Variants in ENOX1 observed in about 807,000 individuals in gnomAD.
The protein encoded by ENOX1 is candidate growth-related and time keeping constitutive hydroquinone (NADH) oxidase.
In ENOX1, 42 loss-of-function variants were observed where a neutral mutation model predicts 82.5. That is an observed-to-expected ratio of 0.51 (90% confidence interval 0.40 to 0.66). ENOX1 has a LOEUF of 0.66. Among genes scored for constraint, ENOX1 ranks in the 30% least tolerant of loss-of-function variants. The pLI, the probability that ENOX1 is intolerant of heterozygous loss-of-function variation, is 0.00. For synonymous variants in ENOX1, 271 were observed against 282.2 expected, an observed-to-expected ratio of 0.96 and a Z score of 0.40; for missense variants, 608 against 811.6, an observed-to-expected ratio of 0.75 and a Z score of 3.05.
chr13:43,273,456 C>T (rs1347549456), intron 12 of ENOX1, among the ~76,000 whole-genome samples: 1 of 152,214 alleles, frequency 6.6e-6, no homozygotes, highest in Non-Finnish European at 1.5e-5. Context: ...CTTCCCCAGA[C>T]ATGCCAGCTG....
chr13:43,740,556 T>C (rs185381082), intron 1 of ENOX1, among the ~76,000 whole-genome samples: 8 of 152,282 alleles, frequency 5.3e-5, no homozygotes, highest in African/African-American at 1.7e-4. Flanking sequence ...GTGGGGTTTT[T>C]TGTACAGATT....
At chr13:43,630,350 G>C (rs1379349983) in intron 2 of ENOX1, among the ~76,000 whole-genome samples, 1 of 152,092 alleles carries the variant, frequency 6.6e-6, no homozygotes, top group Non-Finnish European at 1.5e-5. Context: ...GGGCTTGTTT[G>C]TATGGTAGTC....
At chr13:43,538,097 C>T (rs2078544149) in intron 2 of ENOX1, among the ~76,000 whole-genome samples, 1 of 152,230 alleles carries the variant, frequency 6.6e-6, no homozygotes, top group African/African-American at 2.4e-5. Context: ...CAGGGTTCAA[C>T]CCATCTGATC....
intron 3 of ENOX1, among the ~76,000 whole-genome samples, chr13:43,429,465 C>T (rs1410371370): frequency 6.6e-6 from 1 of 152,016 alleles, no homozygotes; most frequent in African/African-American, 2.4e-5. Context: ...ATTGTTGATA[C>T]ACATGACAGC....
chr13:43,341,891 G>A (rs2049086887), intron 9 of ENOX1, among the ~76,000 whole-genome samples: 1 of 152,192 alleles, frequency 6.6e-6, no homozygotes, highest in South Asian at 2.1e-4. Context: ...AAACCTACAT[G>A]GAAGTTGGCT....
chr13:43,784,956 C>T (rs1952483049), intron 1 of ENOX1, among the ~76,000 whole-genome samples: 1 of 152,202 alleles, frequency 6.6e-6, no homozygotes, highest in Non-Finnish European at 1.5e-5. Context: ...ACATATATTT[C>T]TTCAAAGGCT....
intron 12 of ENOX1, among the ~76,000 whole-genome samples, chr13:43,276,159 G>A (rs146481743): frequency 6.6e-6 from 1 of 152,304 alleles, no homozygotes; most frequent in African/African-American, 2.4e-5. Context: ...AAGGCTAGCA[G>A]AGTATCACCT....
chr13:43,677,916 A>T (rs957842615), intron 1 of ENOX1, among the ~76,000 whole-genome samples: 11 of 152,170 alleles, frequency 7.2e-5, no homozygotes, highest in African/African-American at 2.7e-4. Context: ...TAAATTGACA[A>T]ACAATAATTA....
intron 3 of ENOX1, among the ~76,000 whole-genome samples, chr13:43,471,215 C>T (rs540320688): frequency 7.9e-5 from 12 of 151,814 alleles, no homozygotes; most frequent in African/African-American, 1.4e-4. Context: ...GAGCCTGACA[C>T]GAAAGAGTAT....
chr13:43,546,917 T>G (rs2078996866), intron 2 of ENOX1: 1 of 152,234 alleles, frequency 6.6e-6, no homozygotes, highest in African/African-American at 2.4e-5. Context: ...TCAGATTGGA[T>G]TCTCTGGAAG....
intron 11 of ENOX1, among the ~76,000 whole-genome samples, chr13:43,318,601 T>G (rs1488235466): frequency 1.3e-5 from 2 of 152,228 alleles, no homozygotes; most frequent in East Asian, 1.9e-4. Context: ...GAGCAAATGT[T>G]CTCAGGGTTA....
intron 3 of ENOX1, among the ~76,000 whole-genome samples, chr13:43,465,997 C>A (rs1424466185): frequency 2.0e-5 from 3 of 152,148 alleles, no homozygotes; most frequent in Non-Finnish European, 4.4e-5. Context: ...CTGTTTTCAT[C>A]AAATCATTTC....
chr13:43,231,492 G>C (rs1396949066), intron 15 of ENOX1, among the ~76,000 whole-genome samples: 3 of 152,140 alleles, frequency 2.0e-5, no homozygotes, highest in African/African-American at 7.2e-5. Flanking sequence ...ACCTAATCTT[G>C]TATGGTTGGT....
In ENOX1 at chr13:43,243,236, G is replaced by A. The variant is rs142619508; in HGVS notation, c.1612-6498C>T. Among the ~76,000 whole-genome samples the A allele has an allele frequency of 1.1e-3, 163 of 151,082 alleles. 1 individual carries two copies. The highest frequency in any genetic ancestry group is 3.9e-3 in the African/African-American group (159 of 41,086). The stretch of plus-strand genomic sequence containing the variant: ...GACTAAAACCCAGTTCATCTCACTC[G>A]TCAAACTGCATCCTCTTCTAACTTT... On this transcript the variant is annotated intron_variant, in intron 14 of 16. Coordinates refer to ENST00000690772, the MANE Select transcript of ENOX1 (RefSeq NM_001347969.2).
chr13:43,560,818 A>T (rs183584076), intron 2 of ENOX1, among the ~76,000 whole-genome samples: 1 of 152,290 alleles, frequency 6.6e-6, no homozygotes, highest in Admixed American at 6.5e-5. Flanking sequence ...ATCTTAGGTA[A>T]CAAGGTCACC....
At chr13:43,411,797 C>A (rs986058348) in intron 5 of ENOX1, 119 bp downstream of exon 5, 1 of 1,284,184 alleles carries the variant, frequency 7.8e-7, no homozygotes, top group African/African-American at 1.5e-5. Flanking sequence ...GCCAAACATG[C>A]CCCAGTCATA....
intron 3 of ENOX1, among the ~76,000 whole-genome samples, chr13:43,470,022 G>C (rs546506732): frequency 6.6e-6 from 1 of 151,260 alleles, no homozygotes; most frequent in South Asian, 2.1e-4. Flanking sequence ...ATTCCAGTGG[G>C]GGAAAGGAAC....
At chr13:43,428,626 G>A (rs1447252980) in intron 3 of ENOX1, among the ~76,000 whole-genome samples, 2 of 152,156 alleles carry the variant, frequency 1.3e-5, no homozygotes, top group Admixed American at 6.5e-5. Context: ...TCCCCTTTCT[G>A]CCAGAACCTT....
chr13:43,348,119 C>T (rs1201691565), intron 8 of ENOX1, among the ~76,000 whole-genome samples: 2 of 152,170 alleles, frequency 1.3e-5, no homozygotes, highest in Non-Finnish European at 2.9e-5. Context: ...TGGGTCTCTC[C>T]CACTCCTGGT....
Sources: allele counts gnomAD v4.1 joint callset (sites outside exome capture counted in the v4.1 genomes callset), GRCh38; gene constraint gnomAD v4.1.1; transcripts MANE v1.5; gene names NCBI Gene and HGNC (gene_info 2026-07-23, HGNC 2026-07-21).